Variants in CHST15 observed in about 807,000 individuals in gnomAD.
CHST15 encodes the protein B cell RAG associated protein (GALNAC4S-6ST).
CHST15 carries 30 observed loss-of-function variants against 53.6 expected under a neutral mutation model. The ratio of observed to expected loss-of-function variants is 0.56; its 90% CI spans 0.42 to 0.76. CHST15 has a LOEUF of 0.76. CHST15 is among the 30% of genes least tolerant of loss of function. CHST15 has a pLI of 0.00. For missense variants in CHST15, 627 were observed against 740.5 expected, an observed-to-expected ratio of 0.85 and a Z score of 1.78; for synonymous variants, 296 against 289.8, an observed-to-expected ratio of 1.02 and a Z score of -0.22.
At chr10:124,088,599 C>T (rs890609079) in intron 1 of CHST15, among the ~76,000 whole-genome samples, 23 of 152,188 alleles carry the variant, frequency 1.5e-4, no homozygotes, top group Non-Finnish European at 2.8e-4. Flanking sequence ...ACCGTCATTC[C>T]CAATCCCTCC....
chr10:124,059,518 C>T (rs1425468996), intron 1 of CHST15, among the ~76,000 whole-genome samples: 5 of 152,184 alleles, frequency 3.3e-5, no homozygotes, highest in Admixed American at 2.6e-4. Context: ...TCCCCAGAGT[C>T]CCCTTGCCCA....
At chr10:124,056,877 T>A (rs7082308) in intron 1 of CHST15, among the ~76,000 whole-genome samples, 1 of 147,136 alleles carries the variant, frequency 6.8e-6, no homozygotes, top group Non-Finnish European at 1.5e-5. Flanking sequence ...GACCGGACAC[T>A]CTGCGGCCCA....
At chr10:124,058,316 G>A (rs912224473) in intron 1 of CHST15, among the ~76,000 whole-genome samples, 1 of 152,212 alleles carries the variant, frequency 6.6e-6, no homozygotes, top group African/African-American at 2.4e-5. Flanking sequence ...AAAGAAGAAG[G>A]AAATGCCTGA....
intron 2 of CHST15, among the ~76,000 whole-genome samples, chr10:124,045,122 A>AC (rs1564881986): frequency 1.8e-4 from 13 of 72,966 alleles, no homozygotes; most frequent in South Asian, 7.7e-4. Context: ...CAAAAAAAAA[A>AC]AAAAAAAAAA....
intron 1 of CHST15, among the ~76,000 whole-genome samples, chr10:124,086,346 C>T (rs924292980): frequency 6.6e-6 from 1 of 152,352 alleles, no homozygotes; most frequent in Non-Finnish European, 1.5e-5. Flanking sequence ...TTCTCCGCCA[C>T]CCCAGATGTT....
chr10:124,034,764 CCGGCTCCACCCCCTAACAGGGACG>C, intron 5 of CHST15, among the ~76,000 whole-genome samples: 5 of 140,488 alleles, frequency 3.6e-5, no homozygotes, highest in African/African-American at 7.9e-5. Flanking sequence ...AACAGGGACG[CCGGCTCCACCCCCTAACAGGGACG>C]CCGGCTCCGC....
chr10:124,061,844 T>C (rs761799357), intron 1 of CHST15, among the ~76,000 whole-genome samples: 2 of 151,852 alleles, frequency 1.3e-5, no homozygotes, highest in South Asian at 2.1e-4. Context: ...TCAGGTGAAA[T>C]AGGGAATTGA....
chr10:124,084,481 C>A (rs28459345), intron 1 of CHST15, among the ~76,000 whole-genome samples: 40,287 of 135,156 alleles, frequency 0.3, 6,155 homozygotes, highest in South Asian at 0.42. Flanking sequence ...GGCAAATGGC[C>A]TGCCCAGCTC....
At position 124,010,090 on chromosome 10, in the gene CHST15, G is replaced by A. The variant is rs1590167101; in HGVS notation, c.*59C>T. 1.9e-6 allele frequency: 3 copies of A among 1,611,278 alleles called. No homozygotes were observed. Among genetic ancestry groups the A allele is most frequent in the Non-Finnish European group, 2.5e-6 (3 of 1,179,580 alleles). ...GAAACAGTTCCCCGCAAAGAGATTT[G>A]TAAAATCCTGATGATGACGGCATTG... On this transcript the variant is annotated 3_prime_UTR_variant, in exon 8 of 8. Transcript: ENST00000435907.
At chr10:124,015,890 G>C (rs4244798) in intron 6 of CHST15, among the ~76,000 whole-genome samples, 100,496 of 152,078 alleles carry the variant, frequency 0.66, 33,772 homozygotes, top group East Asian at 0.92. Flanking sequence ...AAGTCTCCCC[G>C]ACCCCAGAGG....
chr10:124,030,979 G>A (rs894043821), intron 5 of CHST15, among the ~76,000 whole-genome samples: 4 of 152,210 alleles, frequency 2.6e-5, no homozygotes, highest in Non-Finnish European at 5.9e-5. Flanking sequence ...CACAAATACC[G>A]GGTCCTTCCT....
At chr10:124,081,521 T>C (rs1317970825) in intron 1 of CHST15, among the ~76,000 whole-genome samples, 1 of 152,220 alleles carries the variant, frequency 6.6e-6, no homozygotes, top group Non-Finnish European at 1.5e-5. Context: ...CCCTGATTTA[T>C]AGCCACAGAG....
At chr10:124,027,215 C>T (rs1400427308) in intron 5 of CHST15, among the ~76,000 whole-genome samples, 1 of 152,174 alleles carries the variant, frequency 6.6e-6, no homozygotes, top group Non-Finnish European at 1.5e-5. Flanking sequence ...TGGGGTACTG[C>T]TCAGCCCCTT....
chr10:124,076,835 G>A (rs976415248), intron 1 of CHST15, among the ~76,000 whole-genome samples: 6 of 151,372 alleles, frequency 4.0e-5, no homozygotes, highest in South Asian at 4.2e-4. Flanking sequence ...TCAGCCTCCC[G>A]AGGAGCTGGG....
intron 1 of CHST15, among the ~76,000 whole-genome samples, chr10:124,083,026 T>C (rs1248067557): frequency 1.3e-5 from 2 of 152,246 alleles, no homozygotes; most frequent in Non-Finnish European, 2.9e-5. Context: ...TGGTTGCACG[T>C]ATCTGTCAAT....
chr10:124,046,596 C>T lies in CHST15; in HGVS notation c.-384G>A, dbSNP rs1218631200. ...ACAGAAAATTAAAAGAAATCATGGT[C>T]TTCTCATTGATGGATGGATTGCCAT... On this transcript the variant is annotated 5_prime_UTR_variant, in exon 2 of 8. Coordinates refer to ENST00000435907, the MANE Select transcript of CHST15 (RefSeq NM_001270764.2). 5.8e-6 allele frequency: 1 copy of T among 172,592 alleles called. No individual in the cohort carries two copies. The highest frequency in any genetic ancestry group is 1.2e-5 in the Non-Finnish European group (1 of 82,208). 10.7% of individuals were successfully genotyped at this position (172,592 alleles called of 1,614,324 possible). A position where few individuals can be genotyped will look rare whatever the true frequency, so the allele number is the denominator to read the frequency against.
chr10:124,010,418 T>C (rs1946379671), intron 7 of CHST15, 79 bp from the exon 8 acceptor site: 1 of 1,454,084 alleles, frequency 6.9e-7, no homozygotes. Context: ...ATCCCAGCTA[T>C]GCTTCGTATT....
chr10:124,089,667 C>T (rs1949544187), intron 1 of CHST15, among the ~76,000 whole-genome samples: 1 of 152,172 alleles, frequency 6.6e-6, no homozygotes, highest in Non-Finnish European at 1.5e-5. Context: ...TCAATGTCCA[C>T]ACCTGAAAAG....
intron 1 of CHST15, among the ~76,000 whole-genome samples, chr10:124,088,653 C>T (rs977734963): frequency 2.0e-5 from 3 of 152,176 alleles, no homozygotes; most frequent in Admixed American, 2.0e-4. Flanking sequence ...GTGTCATCTC[C>T]AACAGCTTCC....
Sources: gnomAD v4.1 joint callset for allele counts (sites outside exome capture counted in the v4.1 genomes callset) on GRCh38, gnomAD v4.1.1 for gene constraint, MANE v1.5 for transcripts, NCBI Gene and HGNC (gene_info 2026-07-23, HGNC 2026-07-21) for gene names.